The following LAD1 variants were observed in gnomAD, a reference collection of about 807,000 sequenced individuals.
LAD1 encodes the protein ladinin 1.
In LAD1, 53 loss-of-function variants were observed where a neutral mutation model predicts 54.2. That is an observed-to-expected ratio of 0.98 (90% CI 0.78 to 1.23). LAD1 has a LOEUF of 1.23. Among genes scored for constraint, LAD1 ranks in the 50% most tolerant of loss-of-function variants. LAD1 has a pLI of 0.00. For synonymous variants in LAD1, 231 were observed against 257.7 expected, an observed-to-expected ratio of 0.90 and a Z score of 0.99; for missense variants, 637 against 653.3, an observed-to-expected ratio of 0.98 and a Z score of 0.27.
At chr1:201,381,969 A>T in intron 9 of LAD1, 76 bp from the exon 10 acceptor site, 1 of 1,501,368 alleles carries the variant, frequency 6.7e-7, no homozygotes, top group Non-Finnish European at 9.2e-7. Flanking sequence ...CTGGATAGGA[A>T]GGCATCCCTT....
chr1:201,389,155 C>T lies in LAD1; in HGVS notation c.182+5G>A, dbSNP rs1272959431. On this transcript the variant is annotated splice_donor_5th_base_variant and intron_variant, in intron 2 of 9. Coordinates refer to ENST00000391967, the MANE Select transcript of LAD1 (RefSeq NM_005558.4). ...ATCCATCAGGATAGAAACCTGAGCA[C>T]CTACCTCTCAGAAGCAGAGGCCTGC... 1 of 1,613,514 alleles carries T rather than the reference C, an allele frequency of 6.2e-7. No homozygotes were observed. The highest frequency in any genetic ancestry group is 2.2e-5 in the East Asian group (1 of 44,874).
At chr1:201,389,557 G>T (rs1407216834) in intron 1 of LAD1, among the ~76,000 whole-genome samples, 1 of 152,050 alleles carries the variant, frequency 6.6e-6, no homozygotes, top group Non-Finnish European at 1.5e-5. Context: ...TCATGCCTAT[G>T]ATCCTAGCAC....
chr1:201,399,247 C>T (rs1330196822), intron 1 of LAD1, 22 bp downstream of exon 1: 5 of 1,548,684 alleles, frequency 3.2e-6, no homozygotes, highest in Non-Finnish European at 4.3e-6. Flanking sequence ...CCCCGCCCCT[C>T]CCGGCTCCCT....
intron 1 of LAD1, among the ~76,000 whole-genome samples, chr1:201,390,403 G>A (rs763443582): frequency 3.3e-5 from 5 of 151,694 alleles, no homozygotes; most frequent in African/African-American, 9.7e-5. Flanking sequence ...TGGGCATAGC[G>A]GTGCATGCCT....
At position 201,383,187 on chromosome 1, in the gene LAD1, C is replaced by T; in HGVS notation, c.1273G>A (p.Gly425Ser). The T allele has an allele frequency of 6.2e-7, 1 of 1,613,928 alleles. No individual in the cohort carries two copies. The highest frequency in any genetic ancestry group is 1.1e-5 in the South Asian group (1 of 91,050). ...IRRSESVKSRGLPCTELFVAP... is the reference protein window; with the variant it reads ...IRRSESVKSRSLPCTELFVAP... The stretch of plus-strand genomic sequence containing the variant: ...ACGAATAACTCAGTGCAAGGCAGAC[C>T]CCGAGACTTGACAGATTCTGATCTC... Residue 425 changes from glycine (G) to serine (S), a missense_variant, in exon 7 of 10, where the codon GGT becomes AGT. Transcript: ENST00000391967.
chr1:201,398,559 G>A (rs1039300140), intron 1 of LAD1, among the ~76,000 whole-genome samples: 1 of 152,152 alleles, frequency 6.6e-6, no homozygotes, highest in African/African-American at 2.4e-5. Flanking sequence ...TCCATGAGGG[G>A]TGCTGCCTTC....
chr1:201,385,921 C>A, intron 3 of LAD1, 116 bp from the exon 4 acceptor site: 1 of 758,786 alleles, frequency 1.3e-6, no homozygotes. Context: ...TGAGACAGCC[C>A]TGTGCCTTCT....
chr1:201,398,820 C>T (rs976138205), intron 1 of LAD1, among the ~76,000 whole-genome samples: 8 of 152,192 alleles, frequency 5.3e-5, no homozygotes, highest in Admixed American at 2.0e-4. Context: ...CCCTCCAAGA[C>T]GGCTCTCCCT....
rs751967716 is a variant in LAD1 at position 201,389,270 on chromosome 1, C to T, written c.72G>A (p.Glu24=). 10 of 1,613,876 alleles carry T rather than the reference C, an allele frequency of 6.2e-6. No homozygotes were observed. The East Asian group carries it at 2.2e-4, about 36-fold the overall frequency. ...LARQRTLEDE[E]EQERERRRRH... is the part of the protein sequence containing the mutation. ...GCCGCCTGCGCTCGCGCTCCTGTTC[C>T]TCCTCATCCTCCAGAGTCCTCTGCC... The change falls in exon 2 of 10, where the codon GAG becomes GAA. Residue 24 remains glutamate, a synonymous_variant. Transcript: ENST00000391967.
chr1:201,397,510 T>C (rs777145449), intron 1 of LAD1, among the ~76,000 whole-genome samples: 1 of 152,130 alleles, frequency 6.6e-6, no homozygotes, highest in Non-Finnish European at 1.5e-5. Flanking sequence ...GGCCAGACCT[T>C]GCTCCCATTT....
At chr1:201,384,892 C>T (rs1186616504) in intron 4 of LAD1, 57 bp from the exon 5 acceptor site, 1 of 1,574,168 alleles carries the variant, frequency 6.4e-7, no homozygotes, top group Non-Finnish European at 8.7e-7. Flanking sequence ...TCGGTGGCCC[C>T]CTCGAGTGAG....
chr1:201,387,210 G>A (rs1318007832), intron 2 of LAD1, 32 bp from the exon 3 acceptor site: 2 of 1,479,682 alleles, frequency 1.4e-6, no homozygotes, highest in South Asian at 3.0e-5. Context: ...AGAATCAGAG[G>A]ATAGAGGTGG....
At chr1:201,397,622 A>G (rs1220169256) in intron 1 of LAD1, among the ~76,000 whole-genome samples, 1 of 151,904 alleles carries the variant, frequency 6.6e-6, no homozygotes, top group Admixed American at 6.6e-5. Context: ...CCACCAGACT[A>G]TGAACTTCTG....
intron 9 of LAD1, 72 bp downstream of exon 9, chr1:201,382,180 C>T (rs779827475): frequency 1.6e-5 from 20 of 1,284,532 alleles, no homozygotes; most frequent in East Asian, 9.2e-5. Flanking sequence ...TGTGTGCACA[C>T]GGGGACGATG....
chr1:201,383,099 C>T lies in LAD1; in HGVS notation c.1361G>A (p.Arg454Gln), dbSNP rs760393592. The T allele has an allele frequency of 1.9e-5, 31 of 1,613,730 alleles. No individual in the cohort carries two copies. The Middle Eastern group carries it at 6.6e-4, about 34-fold the overall frequency. Residue 454 changes from arginine to glutamine, a missense_variant, in exon 7 of 10, where the codon CGA becomes CAA. Transcript: ENST00000391967. The part of the protein sequence containing the change: ...LFEKELAGQS[R>Q]AEPASSRKEN... ...CTTCCGGCTGGAGGCTGGTTCTGCT[C>T]GGCTCTGGCCCGCCAGTTCCTTCTC...
At chr1:201,384,893 C>T (rs1662042820) in intron 4 of LAD1, 58 bp from the exon 5 acceptor site, 5 of 1,557,460 alleles carry the variant, frequency 3.2e-6, no homozygotes, top group African/African-American at 1.4e-5. Flanking sequence ...CGGTGGCCCC[C>T]TCGAGTGAGG....
intron 5 of LAD1, 25 bp from the exon 6 acceptor site, chr1:201,383,414 C>G: frequency 6.2e-7 from 1 of 1,612,338 alleles, no homozygotes; most frequent in East Asian, 2.2e-5. Context: ...ATGGAACAGG[C>G]GAGCCAAGTG....
At chr1:201,397,810 CCA>C (rs4019989) in intron 1 of LAD1, among the ~76,000 whole-genome samples, 149,238 of 150,952 alleles carry the variant, frequency 0.99, 73,777 homozygotes, top group Middle Eastern at 1. Flanking sequence ...CACAAGTATG[CCA>C]CACACACACA....
At chr1:201,387,315 C>G in intron 2 of LAD1, 137 bp from the exon 3 acceptor site, 1 of 767,696 alleles carries the variant, frequency 1.3e-6, no homozygotes, top group Non-Finnish European at 1.9e-6. Context: ...CGGCTCACCA[C>G]CACCTTTATC....
Sources: gnomAD v4.1 joint callset for allele counts (sites outside exome capture counted in the v4.1 genomes callset) on GRCh38, gnomAD v4.1.1 for gene constraint, MANE v1.5 for transcripts, NCBI Gene and HGNC (gene_info 2026-07-23, HGNC 2026-07-21) for gene names.